The following MCHR2 variants were observed in gnomAD, a reference collection of about 807,000 sequenced individuals.
MCHR2 encodes the protein melanin-concentrating hormone receptor 2.
Under a neutral mutation model 24.8 loss-of-function variants are expected in MCHR2, and 15 were observed. The observed-to-expected ratio is 0.60, with a 90% CI of 0.40 to 0.93. The LOEUF is 0.93. MCHR2 is among the 40% of genes least tolerant of loss of function. MCHR2 has a pLI of 0.00. For synonymous variants in MCHR2, 151 were observed against 147.6 expected (o/e 1.02, Z -0.17); for missense variants, 386 against 408.7 (o/e 0.94, Z 0.48).
chr6:99,936,917 A>T (rs1180109655), intron 4 of MCHR2, among the ~76,000 whole-genome samples: 1 of 151,732 alleles, frequency 6.6e-6, no homozygotes, highest in Non-Finnish European at 1.5e-5. Flanking sequence ...CCTTGTATAG[A>T]TATATCACTT....
chr6:99,958,286 G>GAAA (rs60546915), intron 1 of MCHR2, among the ~76,000 whole-genome samples: 2 of 151,164 alleles, frequency 1.3e-5, no homozygotes, highest in South Asian at 2.1e-4. Context: ...TGTCTAAATG[G>GAAA]AAAAACCAAT....
chr6:99,956,597 T>C (rs940822118), intron 1 of MCHR2, among the ~76,000 whole-genome samples: 2 of 152,004 alleles, frequency 1.3e-5, no homozygotes, highest in Non-Finnish European at 2.9e-5. Context: ...ATGCATGGGG[T>C]CTACTGAACT....
At chr6:99,945,976 T>C (rs1326601069) in intron 3 of MCHR2, among the ~76,000 whole-genome samples, 1 of 152,088 alleles carries the variant, frequency 6.6e-6, no homozygotes, top group Non-Finnish European at 1.5e-5. Flanking sequence ...AAAATGCCCA[T>C]TCACTTCATT....
intron 1 of MCHR2, among the ~76,000 whole-genome samples, chr6:99,967,357 C>T (rs1320417205): frequency 6.6e-6 from 1 of 151,876 alleles, no homozygotes; most frequent in African/African-American, 2.4e-5. Context: ...AGCAAAAAGA[C>T]AGTGTTAAGA....
intron 4 of MCHR2, among the ~76,000 whole-genome samples, chr6:99,939,460 A>AT (rs1247796163): frequency 6.6e-6 from 1 of 152,130 alleles, no homozygotes; most frequent in African/African-American, 2.4e-5. Flanking sequence ...AAAAATCTAC[A>AT]TTTTAACTCC....
chr6:99,933,439 T>C (rs1774586157), intron 5 of MCHR2, among the ~76,000 whole-genome samples: 2 of 152,168 alleles, frequency 1.3e-5, no homozygotes, highest in African/African-American at 4.8e-5. Flanking sequence ...GATACATTTA[T>C]AAACTAATTT....
At chr6:99,928,987 T>A (rs1010224731) in intron 5 of MCHR2, among the ~76,000 whole-genome samples, 1 of 152,288 alleles carries the variant, frequency 6.6e-6, no homozygotes, top group Admixed American at 6.5e-5. Context: ...TGCTATAAAT[T>A]TCCCTCTACA....
intron 1 of MCHR2, among the ~76,000 whole-genome samples, chr6:99,978,562 G>C (rs1245057199): frequency 6.6e-6 from 1 of 151,444 alleles, no homozygotes; most frequent in African/African-American, 2.4e-5. Context: ...GGGACTACAG[G>C]TGCCCACCAC....
At chr6:99,930,485 G>C (rs964810240) in intron 5 of MCHR2, among the ~76,000 whole-genome samples, 1 of 152,156 alleles carries the variant, frequency 6.6e-6, no homozygotes, top group African/African-American at 2.4e-5. Flanking sequence ...CCAATCAGAC[G>C]TAGATTTGGT....
chr6:99,923,485 C>T (rs1478001157), intron 5 of MCHR2, among the ~76,000 whole-genome samples: 1 of 151,926 alleles, frequency 6.6e-6, no homozygotes, highest in Non-Finnish European at 1.5e-5. Context: ...AGAGGGAAGT[C>T]TTTTAGTTTT....
At chr6:99,956,924 A>G (rs1291635796) in intron 1 of MCHR2, among the ~76,000 whole-genome samples, 1 of 151,984 alleles carries the variant, frequency 6.6e-6, no homozygotes, top group Non-Finnish European at 1.5e-5. Context: ...TCCCACTGAA[A>G]ATAAAATATG....
At chr6:99,939,065 A>G (rs1774723486) in intron 4 of MCHR2, among the ~76,000 whole-genome samples, 1 of 151,978 alleles carries the variant, frequency 6.6e-6, no homozygotes, top group Admixed American at 6.6e-5. Flanking sequence ...CTCTCAGTCT[A>G]TGTGTGTCTT....
chr6:99,984,423 T>C (rs1775734434), intron 1 of MCHR2, among the ~76,000 whole-genome samples: 1 of 140,128 alleles, frequency 7.1e-6, no homozygotes. Context: ...CCCCCGTCTT[T>C]TTGTTTTTTA....
At chr6:99,929,555 G>A (rs1001480046) in intron 5 of MCHR2, among the ~76,000 whole-genome samples, 1 of 152,010 alleles carries the variant, frequency 6.6e-6, no homozygotes, top group African/African-American at 2.4e-5. Flanking sequence ...AGGATAGTTA[G>A]CTCTTCTTGT....
At chr6:99,960,030 C>G (rs1562127723) in intron 1 of MCHR2, among the ~76,000 whole-genome samples, 1 of 151,900 alleles carries the variant, frequency 6.6e-6, no homozygotes, top group Non-Finnish European at 1.5e-5. Flanking sequence ...AGAAGACCAG[C>G]CTACCTCAAA....
At chr6:99,966,055 C>T (rs533949298) in intron 1 of MCHR2, among the ~76,000 whole-genome samples, 1 of 152,280 alleles carries the variant, frequency 6.6e-6, no homozygotes, top group East Asian at 1.9e-4. Flanking sequence ...CAGCCCAAAG[C>T]TTTGTAGCCC....
intron 4 of MCHR2, among the ~76,000 whole-genome samples, chr6:99,939,580 G>T (rs762851148): frequency 5.3e-5 from 8 of 151,930 alleles, no homozygotes; most frequent in Non-Finnish European, 1.2e-4. Context: ...TGTCTTTTGG[G>T]CTTCATGCTA....
chr6:99,946,376 G>A (rs1283399539), intron 3 of MCHR2, among the ~76,000 whole-genome samples: 4 of 152,060 alleles, frequency 2.6e-5, no homozygotes, highest in East Asian at 1.9e-4. Context: ...ATTATTATTC[G>A]TTCTTGTCAG....
intron 1 of MCHR2, among the ~76,000 whole-genome samples, chr6:99,974,440 T>A (rs1052944408): frequency 6.6e-6 from 1 of 152,174 alleles, no homozygotes; most frequent in African/African-American, 2.4e-5. Context: ...CTGCATTGGT[T>A]ATTCTAGTTA....
Sources: allele counts gnomAD v4.1 joint callset (sites outside exome capture counted in the v4.1 genomes callset), GRCh38; gene constraint gnomAD v4.1.1; transcripts MANE v1.5; gene names NCBI Gene and HGNC (gene_info 2026-07-23, HGNC 2026-07-21).